The following CLASP2 variants were observed in gnomAD, a reference collection of about 807,000 sequenced individuals.
The protein encoded by CLASP2 is cytoplasmic linker associated protein 2.
Under a neutral mutation model 194.4 loss-of-function variants are expected in CLASP2, and 47 were observed. The observed-to-expected ratio is 0.24, with a 90% CI of 0.19 to 0.31. The LOEUF is 0.31. Ranked by LOEUF, CLASP2 falls within the 10% of genes least tolerant of loss-of-function variation. The pLI is 1.00. For missense variants in CLASP2, 1,445 were observed against 1,823.6 expected, an observed-to-expected ratio of 0.79 and a Z score of 3.78; for synonymous variants, 619 against 633.5, an observed-to-expected ratio of 0.98 and a Z score of 0.34.
At chr3:33,535,497 T>C (rs2154134681) in intron 33 of CLASP2, 36 bp from the exon 34 acceptor site, 1 of 1,500,012 alleles carries the variant, frequency 6.7e-7, no homozygotes, top group African/African-American at 1.4e-5. Flanking sequence ...GCAAATTAAC[T>C]CATTTTTCAA....
At chr3:33,584,975 T>A in intron 21 of CLASP2, 55 bp from the exon 22 acceptor site, 1 of 1,488,222 alleles carries the variant, frequency 6.7e-7, no homozygotes, top group Non-Finnish European at 9.1e-7. Context: ...GAGAATTTGC[T>A]GAAAGGATAA....
chr3:33,523,258 A>G (rs1020186669), intron 34 of CLASP2, among the ~76,000 whole-genome samples: 1 of 152,204 alleles, frequency 6.6e-6, no homozygotes, highest in Non-Finnish European at 1.5e-5. Context: ...ATTTGAAAAA[A>G]TTATGGCTGA....
At position 33,690,922 on chromosome 3, in the gene CLASP2, A is replaced by T. The variant is rs116708270; in HGVS notation, c.275-990T>A. On this transcript the variant is annotated intron_variant, in intron 2 of 38. Transcript: ENST00000682230. Reference sequence around the variant, plus strand: ...TGGTTCTGTGGAAGACAATTTTTCCACAGTGGCAGGGGGTGGGGAGGATGG... The same window carrying T: ...TGGTTCTGTGGAAGACAATTTTTCCTCAGTGGCAGGGGGTGGGGAGGATGG... Among the ~76,000 whole-genome samples the T allele has an allele frequency of 6.2e-3, 950 of 152,224 alleles. 9 individuals carry two copies. The highest frequency in any genetic ancestry group is 0.022 in the African/African-American group (895 of 41,540).
chr3:33,712,285 T>C (rs2093050619), intron 1 of CLASP2, among the ~76,000 whole-genome samples: 1 of 152,174 alleles, frequency 6.6e-6, no homozygotes, highest in South Asian at 2.1e-4. Context: ...TTCTCACTTA[T>C]AAGTTAGGAG....
At chr3:33,697,045 AATGAG>A in intron 1 of CLASP2, 112 bp from the exon 2 acceptor site, 1 of 669,532 alleles carries the variant, frequency 1.5e-6, no homozygotes, top group East Asian at 2.8e-5. Flanking sequence ...ATTTTTTAAA[AATGAG>A]ATTTAAGTAT....
chr3:33,638,670 G>A (rs1303354087), intron 8 of CLASP2, among the ~76,000 whole-genome samples: 3 of 152,070 alleles, frequency 2.0e-5, no homozygotes, highest in Admixed American at 1.3e-4. Flanking sequence ...ATCAGTTGAT[G>A]AAAAAAATTG....
Position 33,718,101 on chromosome 3 carries a change from T to A in CLASP2, c.-99A>T. 8.0e-7 allele frequency: 1 copy of A among 1,247,316 alleles called. No individual in the cohort carries two copies. The highest frequency in any genetic ancestry group is 1.0e-6 in the Non-Finnish European group (1 of 959,960). 77.3% of individuals were successfully genotyped at this position (1,247,316 alleles called of 1,614,324 possible). ...GGGTCCCCGCGGGAGCGGGCGGGAC[T>A]CACTTAGCCCGCCAGGGGCGCGGCT... On this transcript the variant is annotated 5_prime_UTR_variant, in exon 1 of 39. Coordinates refer to ENST00000682230, the MANE Select transcript of CLASP2 (RefSeq NM_001365631.1).
chr3:33,693,667 G>A (rs1208534740), intron 2 of CLASP2, among the ~76,000 whole-genome samples: 1 of 152,078 alleles, frequency 6.6e-6, no homozygotes, highest in African/African-American at 2.4e-5. Flanking sequence ...TAAAAAGTAG[G>A]CATTCAATTA....
intron 9 of CLASP2, among the ~76,000 whole-genome samples, chr3:33,631,410 T>C (rs9846790): frequency 0.028 from 4,330 of 152,224 alleles, 202 homozygotes; most frequent in African/African-American, 0.098. Flanking sequence ...AAAATATTCA[T>C]TGCAGGCTGG....
intron 1 of CLASP2, among the ~76,000 whole-genome samples, chr3:33,707,509 C>G (rs2092744383): frequency 6.6e-6 from 1 of 152,124 alleles, no homozygotes; most frequent in Non-Finnish European, 1.5e-5. Flanking sequence ...TCAAATATCA[C>G]CATTTTGCAA....
At chr3:33,668,077 G>A (rs1030073824) in intron 6 of CLASP2, among the ~76,000 whole-genome samples, 10 of 152,050 alleles carry the variant, frequency 6.6e-5, no homozygotes, top group Admixed American at 2.6e-4. Context: ...AAATTAGCCC[G>A]GTGTGGTAGC....
At chr3:33,570,587 T>C in intron 26 of CLASP2, 140 bp downstream of exon 26, 2 of 1,069,032 alleles carry the variant, frequency 1.9e-6, no homozygotes, top group South Asian at 1.4e-5. Context: ...TTACGTATGA[T>C]ACCAAACAAT....
At chr3:33,558,068 C>T (rs868843527) in intron 29 of CLASP2, among the ~76,000 whole-genome samples, 1 of 152,220 alleles carries the variant, frequency 6.6e-6, no homozygotes, top group Admixed American at 6.5e-5. Context: ...TTACTTCTTC[C>T]TCTACTCTGT....
intron 26 of CLASP2, among the ~76,000 whole-genome samples, chr3:33,570,277 T>C (rs940347521): frequency 2.0e-5 from 3 of 152,220 alleles, no homozygotes; most frequent in African/African-American, 7.2e-5. Flanking sequence ...AAACTATGGC[T>C]GGAACCACAT....
chr3:33,607,310 A>T (rs2074088266), intron 15 of CLASP2, 74 bp downstream of exon 15: 2 of 1,018,626 alleles, frequency 2.0e-6, no homozygotes. Flanking sequence ...GACACTTCTG[A>T]TATTTTCATT....
chr3:33,639,982 A>G (rs891189449), intron 8 of CLASP2, among the ~76,000 whole-genome samples: 3 of 152,194 alleles, frequency 2.0e-5, no homozygotes, highest in African/African-American at 7.2e-5. Flanking sequence ...ACATCATTCA[A>G]TGCTCTGAGG....
At chr3:33,619,880 G>T (rs1486181939) in intron 11 of CLASP2, 142 bp from the exon 12 acceptor site, 1 of 681,020 alleles carries the variant, frequency 1.5e-6, no homozygotes, top group East Asian at 3.4e-5. Flanking sequence ...ACAGAAGAAA[G>T]AAAGGGAAAC....
At chr3:33,548,988 G>C (rs2154156137) in intron 30 of CLASP2, among the ~76,000 whole-genome samples, 1 of 151,644 alleles carries the variant, frequency 6.6e-6, no homozygotes, top group Middle Eastern at 3.4e-3. Flanking sequence ...GCCCAGTCTG[G>C]TCTCAGACTC....
intron 34 of CLASP2, among the ~76,000 whole-genome samples, chr3:33,532,952 G>C (rs1014389642): frequency 4.6e-5 from 7 of 152,076 alleles, no homozygotes; most frequent in Non-Finnish European, 8.8e-5. Flanking sequence ...GCATCAGGTT[G>C]GTAATTTACT....
Sources: allele counts gnomAD v4.1 joint callset (sites outside exome capture counted in the v4.1 genomes callset), GRCh38; gene constraint gnomAD v4.1.1; transcripts MANE v1.5; gene names NCBI Gene and HGNC (gene_info 2026-07-23, HGNC 2026-07-21).